The following DEPTOR variants were observed in gnomAD, a reference collection of about 807,000 sequenced individuals.
The protein encoded by DEPTOR is DEP domain containing MTOR interacting protein, also known as DEP domain-containing mTOR-interacting protein.
A neutral mutation model predicts 41.6 loss-of-function variants in DEPTOR; 41 were observed. The ratio of observed to expected loss-of-function variants is 0.98; its 90% confidence interval spans 0.77 to 1.28. The LOEUF (loss-of-function observed/expected upper bound fraction) is 1.28, where lower values mean the gene tolerates loss of function less well. Among genes scored for constraint, DEPTOR ranks in the 50% most tolerant of loss-of-function variants. DEPTOR has a pLI of 0.00. For synonymous variants in DEPTOR, 195 were observed against 192.3 expected, an observed-to-expected ratio of 1.01 and a Z score of -0.12; for missense variants, 514 against 527.9, an observed-to-expected ratio of 0.97 and a Z score of 0.26.
At chr8:120,016,217 C>T (rs1387491675) in intron 8 of DEPTOR, among the ~76,000 whole-genome samples, 1 of 152,184 alleles carries the variant, frequency 6.6e-6, no homozygotes, top group East Asian at 1.9e-4. Flanking sequence ...TGGGCTCAAC[C>T]TTCATGACCT....
chr8:120,002,857 T>G (rs1375543626), intron 5 of DEPTOR, 120 bp from the exon 6 acceptor site: 24 of 1,057,098 alleles, frequency 2.3e-5, no homozygotes, highest in Non-Finnish European at 3.0e-5. Flanking sequence ...CTTGTTTTTC[T>G]GCCACTAAGA....
intron 8 of DEPTOR, among the ~76,000 whole-genome samples, chr8:120,034,443 C>CTTTTTTTTTTTTTTTTT: frequency 1.1e-5 from 1 of 91,588 alleles, no homozygotes; most frequent in Non-Finnish European, 2.0e-5. Context: ...TTTCCTTTTT[C>CTTTTTTTTTTTTTTTTT]TTTTTTTTTT....
chr8:119,974,556 G>C (rs533969884), intron 4 of DEPTOR, among the ~76,000 whole-genome samples: 1 of 152,270 alleles, frequency 6.6e-6, no homozygotes, highest in Non-Finnish European at 1.5e-5. Flanking sequence ...AGAATCACTT[G>C]AGGCCAAGAG....
chr8:120,033,045 G>A (rs1676209551), intron 8 of DEPTOR, among the ~76,000 whole-genome samples: 2 of 148,592 alleles, frequency 1.3e-5, no homozygotes, highest in South Asian at 2.2e-4. Context: ...CTTTTGGTGA[G>A]TATCATACCT....
rs576627018 is a variant in DEPTOR at position 120,006,786 on chromosome 8, C to G, written c.926-19C>G. On this transcript the variant is annotated intron_variant, in intron 6 of 8. Transcript: ENST00000286234. ...GGACTTGGAAGTGCTTATGTCTTGA[C>G]ATTGTGTTTGTCTGCCAGTGCTGAA... The G allele has an allele frequency of 1.2e-6, 2 of 1,612,782 alleles. No homozygotes were observed. Among genetic ancestry groups the G allele is most frequent in the Non-Finnish European group, 1.7e-6 (2 of 1,178,960 alleles).
At chr8:119,953,274 G>A (rs992066530) in intron 3 of DEPTOR, among the ~76,000 whole-genome samples, 1 of 152,128 alleles carries the variant, frequency 6.6e-6, no homozygotes, top group African/African-American at 2.4e-5. Context: ...AAGAAATTAT[G>A]AACAGTTGTG....
chr8:119,989,994 C>T (rs937885162), intron 4 of DEPTOR, among the ~76,000 whole-genome samples: 5 of 152,082 alleles, frequency 3.3e-5, no homozygotes, highest in Admixed American at 1.3e-4. Context: ...TTCCATTTGC[C>T]GGATGAAATA....
At chr8:120,006,445 A>T (rs1051921268) in intron 6 of DEPTOR, among the ~76,000 whole-genome samples, 2 of 151,342 alleles carry the variant, frequency 1.3e-5, no homozygotes, top group Admixed American at 1.3e-4. Context: ...AATTGCTTGA[A>T]CCCAGGAGGC....
intron 4 of DEPTOR, among the ~76,000 whole-genome samples, chr8:119,991,094 T>TTCTTTTTTTTTAAAA (rs1812164872): frequency 1.7e-5 from 2 of 120,636 alleles, no homozygotes; most frequent in African/African-American, 3.3e-5. Flanking sequence ...TTCTTTTTCT[T>TTCTTTTTTTTTAAAA]TCTTTCTTTC....
At chr8:119,894,797 T>C (rs1406936757) in intron 1 of DEPTOR, among the ~76,000 whole-genome samples, 1 of 152,198 alleles carries the variant, frequency 6.6e-6, no homozygotes, top group African/African-American at 2.4e-5. Flanking sequence ...TGGACTTTCA[T>C]AGAAAGTTCG....
At chr8:119,974,197 G>A (rs190110784) in intron 4 of DEPTOR, among the ~76,000 whole-genome samples, 121 of 107,952 alleles carry the variant, frequency 1.1e-3, no homozygotes, top group African/African-American at 3.4e-3. Flanking sequence ...ACAGGAGTTC[G>A]GGACCAGCCT....
At chr8:120,028,626 C>T (rs13260451) in intron 8 of DEPTOR, among the ~76,000 whole-genome samples, 2 of 151,204 alleles carry the variant, frequency 1.3e-5, no homozygotes, top group Admixed American at 1.3e-4. Flanking sequence ...ACACCCAGCT[C>T]ATTTTTTGTG....
intron 1 of DEPTOR, among the ~76,000 whole-genome samples, chr8:119,914,359 T>C (rs1827785318): frequency 6.6e-6 from 1 of 151,928 alleles, no homozygotes; most frequent in South Asian, 2.1e-4. Flanking sequence ...TATTTCATAA[T>C]GCAATGTTGG....
At chr8:119,880,029 C>G (rs1827278724) in intron 1 of DEPTOR, among the ~76,000 whole-genome samples, 1 of 151,560 alleles carries the variant, frequency 6.6e-6, no homozygotes, top group Admixed American at 6.6e-5. Flanking sequence ...ATAGTCCCAG[C>G]TACTTGGGAG....
At chr8:119,898,624 T>C (rs763791642) in intron 1 of DEPTOR, among the ~76,000 whole-genome samples, 1 of 151,604 alleles carries the variant, frequency 6.6e-6, no homozygotes, top group Non-Finnish European at 1.5e-5. Context: ...CTCAGGAGGC[T>C]GAGGTGGGAG....
chr8:119,928,457 C>T lies in DEPTOR; in HGVS notation c.180C>T (p.Tyr60=), dbSNP rs1484687298. The change falls in exon 2 of 9, where the codon TAC becomes TAT. Residue 60 remains tyrosine, a synonymous_variant. Coordinates refer to ENST00000286234, the MANE Select transcript of DEPTOR (RefSeq NM_022783.4). ...IKDRRHHLKT[Y]PNCFVAKELI... is the part of the protein sequence containing the mutation. ...ATAGACGTCATCATCTCAAGACCTA[C>T]CCAAACTGTTTTGTCGCAAAAGAAC... 2.6e-5 allele frequency: 42 copies of T among 1,614,058 alleles called. No homozygotes were observed. In the Admixed American group the frequency reaches 7.0e-4, roughly 27 times the overall value.
intron 1 of DEPTOR, among the ~76,000 whole-genome samples, chr8:119,893,687 G>T (rs1385068553): frequency 6.6e-6 from 1 of 152,012 alleles, no homozygotes; most frequent in Non-Finnish European, 1.5e-5. Flanking sequence ...AAATTAGTGG[G>T]TGTGGTGGCA....
At chr8:119,958,664 C>G (rs945873847) in intron 3 of DEPTOR, among the ~76,000 whole-genome samples, 1 of 152,034 alleles carries the variant, frequency 6.6e-6, no homozygotes, top group Non-Finnish European at 1.5e-5. Flanking sequence ...CACCTGTAAT[C>G]CCAGCTGCTC....
rs961401466 is a variant in DEPTOR at position 119,928,106 on chromosome 8, G to T, written c.123-294G>T. On this transcript the variant is annotated intron_variant, in intron 1 of 8. Coordinates refer to ENST00000286234, the MANE Select transcript of DEPTOR (RefSeq NM_022783.4). Reference sequence around the variant, plus strand: ...CCACTGGAGAGAGAAAAAGCAGGGAGTGAGGCAGAGTAGGGGATGGAGAGC... The same window carrying T: ...CCACTGGAGAGAGAAAAAGCAGGGATTGAGGCAGAGTAGGGGATGGAGAGC... Among the ~76,000 whole-genome samples the T allele has an allele frequency of 4.6e-5, 7 of 152,258 alleles. 1 individual carries two copies. In the South Asian group the frequency reaches 1.5e-3, roughly 32 times the overall value.
Sources: gnomAD v4.1 joint callset for allele counts (sites outside exome capture counted in the v4.1 genomes callset) on GRCh38, gnomAD v4.1.1 for gene constraint, MANE v1.5 for transcripts, NCBI Gene and HGNC (gene_info 2026-07-23, HGNC 2026-07-21) for gene names.